FLG2: variants seen among roughly 807,000 people sequenced by gnomAD.
FLG2 encodes filaggrin-2.
FLG2 carries 7 observed loss-of-function variants against 3.9 expected under a neutral mutation model. The observed-to-expected ratio is 1.79, with a 90% CI of 1.02 to 3.36. The LOEUF is 3.36. FLG2 is among the 30% of genes most tolerant of loss of function. FLG2 has a pLI of 0.00. For missense variants in FLG2, 2,700 were observed against 2,809.4 expected, an observed-to-expected ratio of 0.96 and a Z score of 0.88; for synonymous variants, 1,031 against 1,056.1, an observed-to-expected ratio of 0.98 and a Z score of 0.46.
In FLG2 at chr1:152,353,247, G is replaced by T; in HGVS notation, c.4539C>A (p.Gly1513=). The change falls in exon 3 of 3, where the codon GGC becomes GGA. Residue 1513 remains glycine (G), a synonymous_variant. Transcript: ENST00000388718. ...GAGTGTGTCCTGAATGTGTGTGCGA[G>T]CCCCCTGAGTGCACTTCACTGTCAC... ...ESSDSEVHSG[G]SHTHSGHTHG... The T allele has an allele frequency of 1.3e-6, 2 of 1,568,286 alleles. No homozygotes were observed. The highest frequency in any genetic ancestry group is 3.6e-5 in the Admixed American group (2 of 55,650).
chr1:152,350,500 G>C lies in FLG2; in HGVS notation c.*110C>G. The C allele has an allele frequency of 7.4e-7, 1 of 1,345,632 alleles. No individual in the cohort carries two copies. The highest frequency in any genetic ancestry group is 1.5e-5 in the South Asian group (1 of 68,048). The allele number at this position is 1,345,632 out of a possible 1,614,324, so 83.4% of individuals were successfully genotyped here. On this transcript the variant is annotated 3_prime_UTR_variant, in exon 3 of 3. Transcript: ENST00000388718. Reference sequence around the variant, plus strand: ...AATAATAGGTCGAGACTGATACTGAGAATCAACTGAATGTTCATAACTTAC... The same window carrying C: ...AATAATAGGTCGAGACTGATACTGACAATCAACTGAATGTTCATAACTTAC...
chr1:152,353,631 A>T lies in FLG2; in HGVS notation c.4155T>A (p.His1385Gln). The change falls in exon 3 of 3, where the codon CAT (histidine) becomes CAA (glutamine). Residue 1385 changes from histidine to glutamine, a missense_variant. His to Gln is a conservative substitution (Grantham distance 24, BLOSUM62 0). Transcript: ENST00000388718. ...GTCCATAAGTAGTTTCATGTCTCTC[A>T]TGAACTGTGGATTCTGACTCTCCAT... ...SQHGESESTVHERHETTYGQT... is the reference protein window; with the variant it reads ...SQHGESESTVQERHETTYGQT... The T allele has an allele frequency of 1.2e-6, 2 of 1,613,296 alleles. No individual in the cohort carries two copies. Among genetic ancestry groups the T allele is most frequent in the Non-Finnish European group, 1.7e-6 (2 of 1,179,866 alleles).
rs1372868614 is a variant in FLG2 at position 152,350,794 on chromosome 1, T to A, written c.6992A>T (p.His2331Leu). 1.2e-6 allele frequency: 2 copies of A among 1,614,096 alleles called. No homozygotes were observed. Among genetic ancestry groups the A allele is most frequent in the Non-Finnish European group, 1.7e-6 (2 of 1,180,052 alleles). ...RSSRASHFQSHSSERQRHGSS... is the reference protein window; with the variant it reads ...RSSRASHFQSLSSERQRHGSS... Reference sequence around the variant, plus strand: ...TCCATGCCTTTGCCTTTCACTACTATGTGACTGAAAATGACTTGCTCTACT... The same window carrying A: ...TCCATGCCTTTGCCTTTCACTACTAAGTGACTGAAAATGACTTGCTCTACT... Residue 2331 changes from histidine (H) to leucine (L), a missense_variant, in exon 3 of 3, where the codon CAT (histidine) becomes CTT (leucine). Coordinates refer to ENST00000388718, the MANE Select transcript of FLG2 (RefSeq NM_001014342.3).
Position 152,350,541 on chromosome 1 carries a change from A to T in FLG2, c.*69T>A, listed in dbSNP as rs1489645194. On this transcript the variant is annotated 3_prime_UTR_variant, in exon 3 of 3. Transcript: ENST00000388718. ...CATAACTTACCATTGACTGTTCATGATTTAAACTGTGTCTTCCTGTTCTTT... is the reference window on the plus strand; with the variant it reads ...CATAACTTACCATTGACTGTTCATGTTTTAAACTGTGTCTTCCTGTTCTTT... The T allele has an allele frequency of 6.5e-6, 10 of 1,534,462 alleles. No individual in the cohort carries two copies. Among genetic ancestry groups the T allele is most frequent in the Non-Finnish European group, 7.9e-6 (9 of 1,139,458 alleles).
chr1:152,352,059 T>C lies in FLG2; in HGVS notation c.5727A>G (p.Gly1909=). 6.2e-7 allele frequency: 1 copy of C among 1,613,844 alleles called. No homozygotes were observed. The highest frequency in any genetic ancestry group is 8.5e-7 in the Non-Finnish European group (1 of 1,179,944). Residue 1909 remains glycine (G), a synonymous_variant, in exon 3 of 3, where the codon GGA becomes GGG. Transcript: ENST00000388718. The stretch of plus-strand genomic sequence containing the variant: ...TCTTGTGAACTGTGGATTCTGACTC[T>C]CCATGTTGAGACCTGGCTTGGCTGT... ...HTHSQARSQH[G]ESESTVHKRH...
chr1:152,355,132 C>G lies in FLG2; in HGVS notation c.2654G>C (p.Gly885Ala). 6.4e-7 allele frequency: 1 copy of G among 1,555,508 alleles called. No individual in the cohort carries two copies. The highest frequency in any genetic ancestry group is 8.7e-7 in the Non-Finnish European group (1 of 1,153,736). ...CTGACCTGAGCCTGATCCATGTTGT[C>G]CAAAGCCAGAGTATTGACCTGAGCT... is the stretch of plus-strand genomic sequence containing the variant. ...RSSSGQYSGF[G>A]QHGSGSGQSS... The change falls in exon 3 of 3, where the codon GGA (glycine) becomes GCA (alanine). Residue 885 changes from glycine to alanine, a missense_variant. Transcript: ENST00000388718.
rs1653871154 is a variant in FLG2, at chr1:152,350,674, A to T, written c.7112T>A (p.Ile2371Asn). The change falls in exon 3 of 3, where the codon ATC (isoleucine) becomes AAC (asparagine). Residue 2371 changes from isoleucine (I) to asparagine (N), a missense_variant. Transcript: ENST00000388718. Reference sequence around the variant, plus strand: ...TGACCATGAAAGGTGAGAATTACTGATGCTTTTTCTGCTGCCACCAGAAGG... The same window carrying T: ...TGACCATGAAAGGTGAGAATTACTGTTGCTTTTTCTGCTGCCACCAGAAGG... ...YGPSGGSRKSISNSHLSWSTD... is the reference protein window; with the variant it reads ...YGPSGGSRKSNSNSHLSWSTD... 1 of 1,614,128 alleles carries T rather than the reference A, an allele frequency of 6.2e-7. No homozygotes were observed. Among genetic ancestry groups the T allele is most frequent in the Non-Finnish European group, 8.5e-7 (1 of 1,180,018 alleles).
chr1:152,354,064 C>T lies in FLG2; in HGVS notation c.3722G>A (p.Gly1241Asp), dbSNP rs370925746. ...ATGTCTAGTGGTATTTATTGTCTGA[C>T]CATGAGTAGTTTCCTGTCTCCCATG... ...TVHGRQETTH[G>D]QTINTTRHSQ... Residue 1241 changes from glycine to aspartate, a missense_variant, in exon 3 of 3, where the codon GGT becomes GAT. Coordinates refer to ENST00000388718, the MANE Select transcript of FLG2 (RefSeq NM_001014342.3). The T allele has an allele frequency of 1.1e-5, 17 of 1,614,102 alleles. No homozygotes were observed. In the African/African-American group the frequency reaches 2.1e-4, roughly 20 times the overall value.
At position 152,350,997 on chromosome 1, in the gene FLG2, C is replaced by T; in HGVS notation, c.6789G>A (p.Val2263=). 6.2e-7 allele frequency: 1 copy of T among 1,613,696 alleles called. No homozygotes were observed. The highest frequency in any genetic ancestry group is 8.5e-7 in the Non-Finnish European group (1 of 1,179,934). The part of the protein sequence containing the change: ...SGHSESSDSE[V]HSWGSHTHSG... ...AATGTGTGTGTGAGCCCCATGAGTGCACTTCACTGTCACTGGACTCACTGT... is the reference window on the plus strand; with the variant it reads ...AATGTGTGTGTGAGCCCCATGAGTGTACTTCACTGTCACTGGACTCACTGT... The change falls in exon 3 of 3, where the codon GTG becomes GTA. Residue 2263 remains valine (V), a synonymous_variant. Coordinates refer to ENST00000388718, the MANE Select transcript of FLG2 (RefSeq NM_001014342.3).
rs1557896688 is a variant in FLG2 at position 152,353,512 on chromosome 1, C to T, written c.4274G>A (p.Ser1425Asn). The T allele has an allele frequency of 1.9e-6, 3 of 1,613,932 alleles. No individual in the cohort carries two copies. The highest frequency in any genetic ancestry group is 2.2e-5 in the East Asian group (1 of 44,860). The change falls in exon 3 of 3, where the codon AGT becomes AAT. Residue 1425 changes from serine (S) to asparagine (N), a missense_variant. By Grantham distance (46) the Ser-to-Asn change is conservative. Transcript: ENST00000388718. ...RTTGRRGSGHSESSDSEVHSG... is the reference protein window; with the variant it reads ...RTTGRRGSGHNESSDSEVHSG... The stretch of plus-strand genomic sequence containing the variant: ...GTGCACTTCACTGTCACTGGACTCA[C>T]TATGGCCAGATCCCCTTCTTCCAGT...
In FLG2 at chr1:152,352,401, G is replaced by C. The variant is rs758336615; in HGVS notation, c.5385C>G (p.Thr1795=). Residue 1795 remains threonine, a synonymous_variant, in exon 3 of 3, where the codon ACC becomes ACG. Transcript: ENST00000388718. ...TGTGGCCAGATGACCTTCTTCCAGT[G>C]GTCCTGGACCCTGTCTGTGTGGACT... ...HGQSTQTGSR[T]TGRRSSGHSE... 1 of 1,605,588 alleles carries C rather than the reference G, an allele frequency of 6.2e-7. No individual in the cohort carries two copies. Among genetic ancestry groups the C allele is most frequent in the Non-Finnish European group, 8.5e-7 (1 of 1,176,696 alleles).
In FLG2 at chr1:152,354,701, T is replaced by C; in HGVS notation, c.3085A>G (p.Arg1029Gly). The C allele has an allele frequency of 3.7e-6, 6 of 1,613,644 alleles. No individual in the cohort carries two copies. Among genetic ancestry groups the C allele is most frequent in the Middle Eastern group, 1.7e-4 (1 of 6,060 alleles). ...SGQTTGFGQHRSSSGQYSGFG... is the reference protein window; with the variant it reads ...SGQTTGFGQHGSSSGQYSGFG... ...CCTGAGTATTGGCCTGAGCTTGACCTGTGTTGTCCAAAGCCAGTTGTCTGT... is the reference window on the plus strand; with the variant it reads ...CCTGAGTATTGGCCTGAGCTTGACCCGTGTTGTCCAAAGCCAGTTGTCTGT... The change falls in exon 3 of 3, where the codon AGG (arginine) becomes GGG (glycine). Residue 1029 changes from arginine (R) to glycine (G), a missense_variant. Arg to Gly is a moderately radical substitution (Grantham distance 125). Transcript: ENST00000388718.
In FLG2 at chr1:152,356,795, A is replaced by T; in HGVS notation, c.991T>A (p.Ser331Thr). ...IKGGQGHGCV[S>T]GGQPSGCGQP... ...CCACATCCAGAGGGCTGACCTCCTG[A>T]GACACAGCCATGGCCTTGTCCTCCC... The change falls in exon 3 of 3, where the codon TCA becomes ACA. Residue 331 changes from serine to threonine, a missense_variant. By Grantham distance (58) the Ser-to-Thr change is moderately conservative (BLOSUM62 1). Transcript: ENST00000388718. 1 of 1,614,230 alleles carries T rather than the reference A, an allele frequency of 6.2e-7. No homozygotes were observed. The highest frequency in any genetic ancestry group is 8.5e-7 in the Non-Finnish European group (1 of 1,180,050).
chr1:152,353,117 C>T lies in FLG2; in HGVS notation c.4669G>A (p.Gly1557Ser), dbSNP rs746462312. ...TGDTTRHSYS[G>S]HEQTTQTGSR... ...CCTGTCTGTGTGGTTTGTTCATGACCAGAGTAGGAATGTCTAGTGGTATCT... is the reference window on the plus strand; with the variant it reads ...CCTGTCTGTGTGGTTTGTTCATGACTAGAGTAGGAATGTCTAGTGGTATCT... The change falls in exon 3 of 3, where the codon GGT becomes AGT. Residue 1557 changes from glycine (G) to serine (S), a missense_variant. By Grantham distance (56) the Gly-to-Ser change is moderately conservative. Coordinates refer to ENST00000388718, the MANE Select transcript of FLG2 (RefSeq NM_001014342.3). The T allele has an allele frequency of 1.9e-5, 31 of 1,611,830 alleles. No individual in the cohort carries two copies. Among genetic ancestry groups the T allele is most frequent in the Non-Finnish European group, 2.6e-5 (31 of 1,179,430 alleles).
chr1:152,351,681 G>A lies in FLG2; in HGVS notation c.6105C>T (p.Asp2035=), dbSNP rs750743005. The change falls in exon 3 of 3, where the codon GAC becomes GAT. Residue 2035 remains aspartate, a synonymous_variant. Transcript: ENST00000388718. ...RRASGHSEYS[D]SEGHSGVSHT... is the part of the protein sequence containing the mutation. ...GTGAGACCCCTGAGTGCCCTTCACTGTCACTGTACTCACTGTGGCCAGATG... is the reference window on the plus strand; with the variant it reads ...GTGAGACCCCTGAGTGCCCTTCACTATCACTGTACTCACTGTGGCCAGATG... The A allele has an allele frequency of 1.5e-5, 24 of 1,610,852 alleles. No individual in the cohort carries two copies. In the African/African-American group the frequency reaches 3.3e-4, roughly 22 times the overall value.
In FLG2 at chr1:152,355,551, A is replaced by T; in HGVS notation, c.2235T>A (p.Phe745Leu). 1 of 1,614,012 alleles carries T rather than the reference A, an allele frequency of 6.2e-7. No homozygotes were observed. The highest frequency in any genetic ancestry group is 8.5e-7 in the Non-Finnish European group (1 of 1,179,992). ...GTCCTGAGCCAGACCCATGTTGTCC[A>T]AAGCCAGAGGACTGACCTGAGCCTG... ...HGSGSGQSSG[F>L]GQHGSGSGQS... Residue 745 changes from phenylalanine (F) to leucine (L), a missense_variant, in exon 3 of 3, where the codon TTT becomes TTA. Transcript: ENST00000388718.
chr1:152,358,803 G>C lies in FLG2; in HGVS notation c.82C>G (p.Leu28Val). ...YTKQDGECGT[L>V]SKGELKELLE... ...AGTTCCTTTAGTTCACCCTTGCTCAGTGTGCCACACTCCCCATCTTGCTTG... is the reference window on the plus strand; with the variant it reads ...AGTTCCTTTAGTTCACCCTTGCTCACTGTGCCACACTCCCCATCTTGCTTG... The change falls in exon 2 of 3, where the codon CTG becomes GTG. Residue 28 changes from leucine (L) to valine (V), a missense_variant. Leu to Val is a conservative substitution (Grantham distance 32, BLOSUM62 1). Coordinates refer to ENST00000388718, the MANE Select transcript of FLG2 (RefSeq NM_001014342.3). The C allele has an allele frequency of 6.2e-7, 1 of 1,614,042 alleles. No homozygotes were observed. Among genetic ancestry groups the C allele is most frequent in the East Asian group, 2.2e-5 (1 of 44,874 alleles).
intron 1 of FLG2, among the ~76,000 whole-genome samples, chr1:152,359,651 T>C (rs191803481): frequency 6.6e-6 from 1 of 152,236 alleles, no homozygotes; most frequent in East Asian, 1.9e-4. Context: ...CAGTTTGAGC[T>C]GGACAGCCCA....
In FLG2 at chr1:152,350,589, G is replaced by T; in HGVS notation, c.*21C>A. On this transcript the variant is annotated 3_prime_UTR_variant, in exon 3 of 3. Coordinates refer to ENST00000388718, the MANE Select transcript of FLG2 (RefSeq NM_001014342.3). ...TTTTAGTTGCTTTGGATACTATAAG[G>T]TCAGAACTAGAAAATAACTGTCAAT... The T allele has an allele frequency of 6.3e-7, 1 of 1,598,976 alleles. No individual in the cohort carries two copies. The highest frequency in any genetic ancestry group is 8.5e-7 in the Non-Finnish European group (1 of 1,172,846).
Sources: allele counts gnomAD v4.1 joint callset (sites outside exome capture counted in the v4.1 genomes callset), GRCh38; gene constraint gnomAD v4.1.1; transcripts MANE v1.5; gene names NCBI Gene and HGNC (gene_info 2026-07-23, HGNC 2026-07-21).